Variants in BCHE observed in about 807,000 individuals in gnomAD.
BCHE encodes cholinesterase.
Under a neutral mutation model 51.3 loss-of-function variants are expected in BCHE, and 48 were observed. That is an observed-to-expected ratio of 0.94 (90% CI 0.74 to 1.19). The LOEUF (loss-of-function observed/expected upper bound fraction) is 1.19, where lower values mean the gene tolerates loss of function less well. Among genes scored for constraint, BCHE ranks in the 50% most tolerant of loss-of-function variants. The probability of loss-of-function intolerance (pLI) is 0.00; values close to 1 mark genes in which losing one functional copy is unlikely to be tolerated. For missense variants in BCHE, 847 were observed against 708.2 expected (o/e 1.20, Z -2.23); for synonymous variants, 251 against 238.0 (o/e 1.05, Z -0.50).
At chr3:165,825,228 T>G (rs142497291) in intron 2 of BCHE, among the ~76,000 whole-genome samples, 264 of 152,262 alleles carry the variant, frequency 1.7e-3, no homozygotes, top group African/African-American at 6.2e-3. Flanking sequence ...CTAAGTAATT[T>G]AGTAAGTAAA....
At chr3:165,815,416 G>A (rs1714276103) in intron 2 of BCHE, among the ~76,000 whole-genome samples, 1 of 152,048 alleles carries the variant, frequency 6.6e-6, no homozygotes, top group South Asian at 2.1e-4. Flanking sequence ...ACTGATAGCT[G>A]TGGAATTTTG....
intron 2 of BCHE, among the ~76,000 whole-genome samples, chr3:165,803,319 T>G (rs1713738765): frequency 6.6e-6 from 1 of 152,186 alleles, no homozygotes; most frequent in Non-Finnish European, 1.5e-5. Context: ...ATCCGTTAAG[T>G]AAATACATGC....
At chr3:165,836,448 A>G (rs1474165335) in intron 1 of BCHE, among the ~76,000 whole-genome samples, 3 of 151,914 alleles carry the variant, frequency 2.0e-5, no homozygotes, top group Admixed American at 2.0e-4. Flanking sequence ...AATGTAGAAG[A>G]CATACTCATA....
intron 2 of BCHE, among the ~76,000 whole-genome samples, chr3:165,806,512 G>A (rs148741618): frequency 1.9e-3 from 287 of 152,166 alleles, no homozygotes; most frequent in African/African-American, 6.7e-3. Context: ...TTTACTCTAC[G>A]ATATATTCAT....
chr3:165,808,523 A>G (rs1294679100), intron 2 of BCHE, among the ~76,000 whole-genome samples: 1 of 152,194 alleles, frequency 6.6e-6, no homozygotes, highest in Non-Finnish European at 1.5e-5. Context: ...AACAAATGCT[A>G]CATAATCTAT....
chr3:165,814,022 GTTTC>G (rs1382542103), intron 2 of BCHE, among the ~76,000 whole-genome samples: 2 of 151,880 alleles, frequency 1.3e-5, no homozygotes, highest in Admixed American at 1.3e-4. Flanking sequence ...TAAGTGTTAG[GTTTC>G]TTTGACTTCC....
chr3:165,783,263 T>C (rs1712781482), intron 3 of BCHE, among the ~76,000 whole-genome samples: 1 of 152,096 alleles, frequency 6.6e-6, no homozygotes, highest in Non-Finnish European at 1.5e-5. Context: ...TCTGTCGTAA[T>C]TTTGAGCATG....
At chr3:165,789,433 T>C (rs1474375680) in intron 2 of BCHE, among the ~76,000 whole-genome samples, 2 of 152,112 alleles carry the variant, frequency 1.3e-5, no homozygotes, top group East Asian at 3.9e-4. Context: ...CAGGATGCCC[T>C]GATATGAAGA....
At chr3:165,789,150 C>T (rs139427987) in intron 2 of BCHE, among the ~76,000 whole-genome samples, 265 of 152,188 alleles carry the variant, frequency 1.7e-3, no homozygotes, top group African/African-American at 6.2e-3. Flanking sequence ...ATAACTAAAA[C>T]TTTCCATGAA....
intron 2 of BCHE, among the ~76,000 whole-genome samples, chr3:165,806,260 ACTTTCT>A (rs961909925): frequency 3.3e-5 from 5 of 151,958 alleles, no homozygotes; most frequent in Non-Finnish European, 7.4e-5. Context: ...CTGCCTTTTT[ACTTTCT>A]CTTTCTCTAT....
intron 2 of BCHE, among the ~76,000 whole-genome samples, chr3:165,789,192 C>A (rs148614412): frequency 1.7e-3 from 264 of 152,154 alleles, no homozygotes; most frequent in African/African-American, 6.2e-3. Context: ...GTATCAGGTT[C>A]TTTTTCTACT....
intron 3 of BCHE, among the ~76,000 whole-genome samples, chr3:165,775,143 T>C (rs754421342): frequency 6.6e-6 from 1 of 152,128 alleles, no homozygotes; most frequent in Non-Finnish European, 1.5e-5. Flanking sequence ...CTTTGTAAGA[T>C]ATTACTTTGG....
At chr3:165,797,099 TTTCTTTCCCTTCCTTCC>T (rs1293575624) in intron 2 of BCHE, among the ~76,000 whole-genome samples, 3 of 151,428 alleles carry the variant, frequency 2.0e-5, no homozygotes, top group Non-Finnish European at 4.4e-5. Context: ...TCAGAAACTT[TTTCTTTCCCTTCCTTCC>T]TTCTTTCCCT....
chr3:165,792,811 A>G (rs1042511119), intron 2 of BCHE, among the ~76,000 whole-genome samples: 1 of 152,208 alleles, frequency 6.6e-6, no homozygotes, highest in Non-Finnish European at 1.5e-5. Context: ...GTGTATTGCA[A>G]TAAAAACTGA....
At chr3:165,784,175 T>C (rs961080801) in intron 3 of BCHE, among the ~76,000 whole-genome samples, 1 of 151,910 alleles carries the variant, frequency 6.6e-6, no homozygotes, top group African/African-American at 2.4e-5. Flanking sequence ...ACTAACGCAT[T>C]CTCAAAACAT....
At chr3:165,812,136 C>G (rs1338530056) in intron 2 of BCHE, among the ~76,000 whole-genome samples, 2 of 151,896 alleles carry the variant, frequency 1.3e-5, no homozygotes, top group Non-Finnish European at 2.9e-5. Context: ...TTTTTGCATT[C>G]TCAATATTTT....
chr3:165,803,379 T>A (rs918200060), intron 2 of BCHE, among the ~76,000 whole-genome samples: 2 of 152,156 alleles, frequency 1.3e-5, no homozygotes, highest in Admixed American at 6.5e-5. Flanking sequence ...TCTAACTCAT[T>A]CTATTCACTT....
At chr3:165,822,025 T>A (rs958145503) in intron 2 of BCHE, among the ~76,000 whole-genome samples, 1 of 151,964 alleles carries the variant, frequency 6.6e-6, no homozygotes, top group Non-Finnish European at 1.5e-5. Flanking sequence ...TATTATGATA[T>A]GAGAATAGCA....
chr3:165,830,042 G>C lies in BCHE; in HGVS notation c.992C>G (p.Pro331Arg). The change falls in exon 2 of 4, where the codon CCA becomes CGA. Residue 331 changes from proline (P) to arginine (R), a missense_variant. Pro to Arg is a moderately radical substitution (Grantham distance 103). Coordinates refer to ENST00000264381, the MANE Select transcript of BCHE (RefSeq NM_000055.4). ...TVDGDFLTDMPDILLELGQFK... is the reference protein window; with the variant it reads ...TVDGDFLTDMRDILLELGQFK... The stretch of plus-strand genomic sequence containing the variant: ...TTGTCCAAGTTCAAGTAATATGTCT[G>C]GCATGTCAGTGAGAAAATCACCATC... The C allele has an allele frequency of 6.2e-7, 1 of 1,613,612 alleles. No individual in the cohort carries two copies. Among genetic ancestry groups the C allele is most frequent in the East Asian group, 2.2e-5 (1 of 44,860 alleles).
Sources: allele counts gnomAD v4.1 joint callset (sites outside exome capture counted in the v4.1 genomes callset), GRCh38; gene constraint gnomAD v4.1.1; transcripts MANE v1.5; gene names NCBI Gene and HGNC (gene_info 2026-07-23, HGNC 2026-07-21).